The following TLCD4 variants were observed in gnomAD, a reference collection of about 807,000 sequenced individuals.
TLCD4 encodes TLC domain-containing protein 4.
Under a neutral mutation model 24.2 loss-of-function variants are expected in TLCD4, and 7 were observed. The ratio of observed to expected loss-of-function variants is 0.29; its 90% confidence interval spans 0.16 to 0.54. TLCD4 has a LOEUF of 0.54. Among genes scored for constraint, TLCD4 ranks in the 20% least tolerant of loss-of-function variants. The pLI is 0.95. For synonymous variants in TLCD4, 103 were observed against 106.4 expected (o/e 0.97, Z 0.20); for missense variants, 259 against 313.9 (o/e 0.82, Z 1.32).
chr1:95,172,619 A>G (rs575303750), intron 5 of TLCD4, among the ~76,000 whole-genome samples: 18 of 152,188 alleles, frequency 1.2e-4, no homozygotes, highest in Non-Finnish European at 2.1e-4. Context: ...GTGATTATAA[A>G]AAGTTTTAGA....
chr1:95,141,131 T>C (rs1677186570), intron 1 of TLCD4, among the ~76,000 whole-genome samples: 1 of 152,208 alleles, frequency 6.6e-6, no homozygotes, highest in African/African-American at 2.4e-5. Context: ...AAAGGGAGAC[T>C]CTAAACATAT....
At chr1:95,101,317 G>C in the TLCD4 span, among the ~76,000 whole-genome samples, 1 of 151,640 alleles carries the variant, frequency 6.6e-6, no homozygotes, top group Non-Finnish European at 1.5e-5. Context: ...ACAGTGGCGT[G>C]ATCATAGCTC....
intron 4 of TLCD4, 139 bp from the exon 5 acceptor site, chr1:95,151,186 A>G (rs1236996104): frequency 2.5e-6 from 2 of 814,034 alleles, no homozygotes; most frequent in Non-Finnish European, 4.0e-6. Flanking sequence ...GTAGATAATC[A>G]GACTAACTGA....
At chr1:95,160,515 T>C (rs577150203) in intron 5 of TLCD4, among the ~76,000 whole-genome samples, 1 of 152,328 alleles carries the variant, frequency 6.6e-6, no homozygotes, top group South Asian at 2.1e-4. Context: ...TCCTGCCTGA[T>C]TGCCCTGGCC....
At chr1:95,098,594 A>G in the TLCD4 span, among the ~76,000 whole-genome samples, 1 of 152,178 alleles carries the variant, frequency 6.6e-6, no homozygotes, top group Non-Finnish European at 1.5e-5. Context: ...AAGTTCTGAT[A>G]AATCTCTTTT....
In TLCD4 at chr1:95,176,749, A is replaced by G. The variant is rs559089811; in HGVS notation, c.473+2860A>G. Among the ~76,000 whole-genome samples the G allele has an allele frequency of 3.3e-5, 5 of 152,076 alleles. No homozygotes were observed. In the South Asian group the frequency reaches 6.2e-4, roughly 19 times the overall value. On this transcript the variant is annotated intron_variant, in intron 6 of 6. Coordinates refer to ENST00000370203, the MANE Select transcript of TLCD4 (RefSeq NM_152487.3). ...TCTAATATCCTGAAGCCTTCCCCCT[A>G]TATTTCTTTCTAGGAGTTTTATAGT...
the TLCD4 span, among the ~76,000 whole-genome samples, chr1:95,104,393 G>A: frequency 6.6e-6 from 1 of 152,072 alleles, no homozygotes; most frequent in African/African-American, 2.4e-5. Flanking sequence ...GGCCAGGCAC[G>A]GTGGCTCACG....
chr1:95,104,663 CAAA>C, the TLCD4 span, among the ~76,000 whole-genome samples: 36 of 40,620 alleles, frequency 8.9e-4, 5 homozygotes, highest in Admixed American at 1.5e-3. Context: ...GACTCCGTCT[CAAA>C]AAAAAAAAAA....
At chr1:95,148,133 C>T (rs549185693) in intron 2 of TLCD4, among the ~76,000 whole-genome samples, 1 of 152,272 alleles carries the variant, frequency 6.6e-6, no homozygotes, top group Admixed American at 6.5e-5. Context: ...CCCTTGTTTT[C>T]TTACAAATTT....
chr1:95,113,734 G>A (rs1477574361), upstream of TLCD4, among the ~76,000 whole-genome samples: 9 of 151,972 alleles, frequency 5.9e-5, no homozygotes, highest in East Asian at 1.9e-4. Context: ...AATAAAATGC[G>A]CAAAAAGAAC....
intron 1 of TLCD4, among the ~76,000 whole-genome samples, chr1:95,128,383 A>C (rs1676800544): frequency 6.6e-6 from 1 of 152,248 alleles, no homozygotes; most frequent in South Asian, 2.1e-4. Flanking sequence ...AAGTTGATGC[A>C]AAATAGATGA....
At chr1:95,109,565 G>A in the TLCD4 span, among the ~76,000 whole-genome samples, 1 of 148,152 alleles carries the variant, frequency 6.7e-6, no homozygotes, top group African/African-American at 2.5e-5. Flanking sequence ...TCTGCTTACT[G>A]CAACCTCCGC....
intron 1 of TLCD4, among the ~76,000 whole-genome samples, chr1:95,139,269 A>G (rs1481709224): frequency 6.6e-6 from 1 of 151,144 alleles, no homozygotes; most frequent in Non-Finnish European, 1.5e-5. Flanking sequence ...AAGTTGCTCT[A>G]GGTGAATCAC....
intron 5 of TLCD4, among the ~76,000 whole-genome samples, chr1:95,156,993 A>G (rs1677652192): frequency 6.6e-6 from 1 of 152,192 alleles, no homozygotes; most frequent in East Asian, 1.9e-4. Flanking sequence ...AGAGAACCAT[A>G]AAAGAATGCA....
intron 6 of TLCD4, among the ~76,000 whole-genome samples, chr1:95,180,086 A>G (rs1678580575): frequency 6.6e-6 from 1 of 152,238 alleles, no homozygotes; most frequent in Non-Finnish European, 1.5e-5. Context: ...CAGTGTCCAC[A>G]CATTATCTGG....
At chr1:95,149,891 G>A (rs531504746) in intron 3 of TLCD4, among the ~76,000 whole-genome samples, 1 of 152,098 alleles carries the variant, frequency 6.6e-6, no homozygotes, top group African/African-American at 2.4e-5. Flanking sequence ...GGCACAACTT[G>A]TGCTAAATCT....
At chr1:95,131,950 C>A (rs1295919544) in intron 1 of TLCD4, among the ~76,000 whole-genome samples, 2 of 152,126 alleles carry the variant, frequency 1.3e-5, no homozygotes, top group Non-Finnish European at 2.9e-5. Context: ...CTCATTCTGG[C>A]AAGAGTGGAT....
At chr1:95,121,704 A>C (rs1046706480) in intron 1 of TLCD4, among the ~76,000 whole-genome samples, 4 of 152,198 alleles carry the variant, frequency 2.6e-5, no homozygotes, top group Non-Finnish European at 5.9e-5. Context: ...TCCTGGCCTC[A>C]AGTGATCCGC....
the TLCD4 span, among the ~76,000 whole-genome samples, chr1:95,100,905 T>A: frequency 1.5e-5 from 2 of 131,258 alleles, no homozygotes; most frequent in African/African-American, 5.2e-5. Flanking sequence ...CTCAAAGGTC[T>A]CCAACTTTTT....
Sources: gnomAD v4.1 joint callset for allele counts (sites outside exome capture counted in the v4.1 genomes callset) on GRCh38, gnomAD v4.1.1 for gene constraint, MANE v1.5 for transcripts, NCBI Gene and HGNC (gene_info 2026-07-23, HGNC 2026-07-21) for gene names.